Variants in CNIH3 observed in about 807,000 individuals in gnomAD.
CNIH3 encodes protein cornichon homolog 3.
A neutral mutation model predicts 24.1 loss-of-function variants in CNIH3; 14 were observed. The observed-to-expected ratio is 0.58, with a 90% CI of 0.38 to 0.91. The LOEUF (loss-of-function observed/expected upper bound fraction) is 0.91, where lower values mean the gene tolerates loss of function less well. CNIH3 is among the 40% of genes least tolerant of loss of function. The pLI, the probability that CNIH3 is intolerant of heterozygous loss-of-function variation, is 0.00. For synonymous variants in CNIH3, 68 were observed against 73.8 expected (o/e 0.92, Z 0.40); for missense variants, 178 against 196.8 (o/e 0.90, Z 0.57).
At chr1:224,732,386 C>T (rs983637622) in intron 4 of CNIH3, among the ~76,000 whole-genome samples, 1 of 152,138 alleles carries the variant, frequency 6.6e-6, no homozygotes, top group African/African-American at 2.4e-5. Flanking sequence ...ATCGAGAAGC[C>T]TCACTTTAAG....
At chr1:224,602,526 A>T (rs1682248700) in intron 3 of CNIH3, among the ~76,000 whole-genome samples, 1 of 152,252 alleles carries the variant, frequency 6.6e-6, no homozygotes, top group Non-Finnish European at 1.5e-5. Flanking sequence ...TCTGAAGAAT[A>T]TGTAAGTTGT....
At chr1:224,625,397 A>G in intron 1 of CNIH3, among the ~76,000 whole-genome samples, 1 of 150,506 alleles carries the variant, frequency 6.6e-6, no homozygotes, top group South Asian at 2.1e-4. Flanking sequence ...AAAATAAAAT[A>G]AAAAAAAAAT....
At chr1:224,622,220 T>C (rs1385483111) in intron 1 of CNIH3, among the ~76,000 whole-genome samples, 1 of 152,222 alleles carries the variant, frequency 6.6e-6, no homozygotes, top group Non-Finnish European at 1.5e-5. Context: ...TCTGGGTAGT[T>C]TGGACAATGT....
intron 1 of CNIH3, among the ~76,000 whole-genome samples, chr1:224,490,666 T>C (rs1169542184): frequency 6.6e-6 from 1 of 152,206 alleles, no homozygotes; most frequent in African/African-American, 2.4e-5. Context: ...GCCTTCTGGT[T>C]TGAGACTTAA....
At chr1:224,581,238 C>A (rs1323794789) in intron 4 of CNIH3, among the ~76,000 whole-genome samples, 1 of 152,064 alleles carries the variant, frequency 6.6e-6, no homozygotes, top group African/African-American at 2.4e-5. Flanking sequence ...TTACCCAAGT[C>A]TTTTTCCGGT....
chr1:224,548,559 G>C (rs745487617), intron 3 of CNIH3, among the ~76,000 whole-genome samples: 1 of 151,918 alleles, frequency 6.6e-6, no homozygotes, highest in Non-Finnish European at 1.5e-5. Flanking sequence ...TGTACATCCT[G>C]TGATATTATT....
upstream of CNIH3, chr1:224,513,804 C>A (rs959628127): frequency 6.6e-6 from 1 of 152,256 alleles, no homozygotes; most frequent in African/African-American, 2.4e-5. Flanking sequence ...AGACTGCGCA[C>A]TCACACGACC....
At chr1:224,575,499 A>C in intron 4 of CNIH3, 2 of 549,566 alleles carry the variant, frequency 3.6e-6, no homozygotes, top group Non-Finnish European at 6.6e-6. Context: ...GTGGGAGAGC[A>C]ACCTATAGAG....
Position 224,616,357 on chromosome 1 carries a change from C to CAGCAGG in CNIH3, c.-817_-812dup, listed in dbSNP as rs1682985268. 1 of 597,606 alleles carries CAGCAGG rather than the reference C, an allele frequency of 1.7e-6. No individual in the cohort carries two copies. The highest frequency in any genetic ancestry group is 3.7e-5 in the South Asian group (1 of 27,016). 37.0% of individuals were successfully genotyped at this position (597,606 alleles called of 1,614,324 possible). Reference sequence around the variant, plus strand: ...GCGGCGGCGGCGGCGGCAGCGGCAGCAGCAGGTGGAGCGAGCTACAGCGTT... The same window carrying CAGCAGG: ...GCGGCGGCGGCGGCGGCAGCGGCAGCAGCAGGAGCAGGTGGAGCGAGCTACAGCGTT... On this transcript the variant is annotated 5_prime_UTR_variant, in exon 1 of 6. Coordinates refer to ENST00000272133, the MANE Select transcript of CNIH3 (RefSeq NM_152495.2).
chr1:224,708,535 A>C (rs1687947862), intron 3 of CNIH3, among the ~76,000 whole-genome samples: 2 of 152,140 alleles, frequency 1.3e-5, no homozygotes, highest in Admixed American at 6.5e-5. Context: ...GCATCTCAGA[A>C]TCCCTTGCAG....
chr1:224,550,988 A>G (rs1679897986), intron 3 of CNIH3, among the ~76,000 whole-genome samples: 1 of 152,134 alleles, frequency 6.6e-6, no homozygotes, highest in East Asian at 1.9e-4. Context: ...TTTGCTGAGA[A>G]TCAGAGAAAT....
At chr1:224,561,671 T>C (rs1000765595) in intron 3 of CNIH3, among the ~76,000 whole-genome samples, 1 of 152,176 alleles carries the variant, frequency 6.6e-6, no homozygotes, top group African/African-American at 2.4e-5. Context: ...CAGTCTTCTT[T>C]CCCTCTTGTC....
chr1:224,560,973 C>T (rs551283707), intron 3 of CNIH3, among the ~76,000 whole-genome samples: 9 of 152,156 alleles, frequency 5.9e-5, no homozygotes, highest in African/African-American at 2.2e-4. Context: ...GCATTTCCCT[C>T]GTGATTAATG....
At chr1:224,648,413 GAA>G (rs565178820) in intron 1 of CNIH3, among the ~76,000 whole-genome samples, 9 of 110,712 alleles carry the variant, frequency 8.1e-5, no homozygotes, top group East Asian at 5.0e-4. Flanking sequence ...TCTGTCTCAG[GAA>G]AAAAAAAAAA....
At chr1:224,562,341 T>G (rs1206559975) in intron 3 of CNIH3, among the ~76,000 whole-genome samples, 1 of 152,058 alleles carries the variant, frequency 6.6e-6, no homozygotes, top group Non-Finnish European at 1.5e-5. Context: ...ACTAAATCAC[T>G]CAGGTTAGGC....
intron 4 of CNIH3, among the ~76,000 whole-genome samples, chr1:224,571,722 C>T (rs1680827139): frequency 6.6e-6 from 1 of 152,042 alleles, no homozygotes; most frequent in South Asian, 2.1e-4. Flanking sequence ...GAGACTCCAT[C>T]TCAAAAACAA....
At chr1:224,667,414 T>A (rs959767137) in intron 1 of CNIH3, among the ~76,000 whole-genome samples, 14 of 152,134 alleles carry the variant, frequency 9.2e-5, no homozygotes, top group Non-Finnish European at 1.9e-4. Context: ...TGTCTAAAAT[T>A]GAAAGGGGAT....
In CNIH3 at chr1:224,479,200, CT is replaced by C. The variant is rs539381320; in HGVS notation, n.204-36540del. Among the ~76,000 whole-genome samples, 431 of 117,992 alleles carry C rather than the reference CT, an allele frequency of 3.7e-3. 2 individuals carry two copies. In the Middle Eastern group the frequency reaches 0.091, roughly 25 times the overall value. 77.4% of individuals were successfully genotyped at this position (117,992 alleles called of 152,430 possible). ...CAGAGTTTCACACTTGTTGCCCAAG[CT>C]GGAGTGCAATGGCGCAATCTCGGCT... is the stretch of plus-strand genomic sequence containing the variant. On this transcript the variant is annotated intron_variant and non_coding_transcript_variant, in intron 1 of 5. Coordinates refer to the CNIH3 transcript ENST00000471578.
intron 1 of CNIH3, among the ~76,000 whole-genome samples, chr1:224,446,569 G>A (rs1675174186): frequency 6.6e-6 from 1 of 152,086 alleles, no homozygotes; most frequent in Non-Finnish European, 1.5e-5. Context: ...CTGTCCTAAT[G>A]TTAAGACTAT....
Sources: allele counts gnomAD v4.1 joint callset (sites outside exome capture counted in the v4.1 genomes callset), GRCh38; gene constraint gnomAD v4.1.1; transcripts MANE v1.5; gene names NCBI Gene and HGNC (gene_info 2026-07-23, HGNC 2026-07-21).